ZBTB21: variants seen among roughly 807,000 people sequenced by gnomAD.
The protein encoded by ZBTB21 is zinc finger and BTB domain containing 21.
A neutral mutation model predicts 39.8 loss-of-function variants in ZBTB21; 10 were observed. The observed-to-expected ratio is 0.25, with a 90% confidence interval of 0.16 to 0.43. The LOEUF (loss-of-function observed/expected upper bound fraction) is 0.43, where lower values mean the gene tolerates loss of function less well. ZBTB21 is among the 20% of genes least tolerant of loss of function. ZBTB21 has a pLI of 1.00. For missense variants in ZBTB21, 1,221 were observed against 1,296.3 expected, an observed-to-expected ratio of 0.94 and a Z score of 0.89; for synonymous variants, 551 against 498.8, an observed-to-expected ratio of 1.10 and a Z score of -1.40.
chr21:41,995,312 A>G (rs2065731233), intron 2 of ZBTB21, among the ~76,000 whole-genome samples: 1 of 152,222 alleles, frequency 6.6e-6, no homozygotes, highest in Non-Finnish European at 1.5e-5. Flanking sequence ...GATACAGACA[A>G]TGAAATCCAG....
chr21:42,004,004 CTTT>C (rs35909811), intron 1 of ZBTB21, among the ~76,000 whole-genome samples: 6 of 135,012 alleles, frequency 4.4e-5, no homozygotes, highest in Admixed American at 7.2e-5. Flanking sequence ...TATCTCACAT[CTTT>C]TTTTTTTTTT....
At position 42,009,000 on chromosome 21, in the gene ZBTB21, A is replaced by G. The variant is rs570887447; in HGVS notation, c.-79+1252T>C. On this transcript the variant is annotated intron_variant, in intron 1 of 2. Transcript: ENST00000310826. Reference sequence around the variant, plus strand: ...TTAACCCACTTTCTTGTCTTCTTAAACAAGGTATGAGGACCGTAATGTAAG... The same window carrying G: ...TTAACCCACTTTCTTGTCTTCTTAAGCAAGGTATGAGGACCGTAATGTAAG... Among the ~76,000 whole-genome samples the G allele has an allele frequency of 3.9e-5, 6 of 152,322 alleles. No homozygotes were observed. In the South Asian group the frequency reaches 1.2e-3, roughly 32 times the overall value.
At chr21:41,999,802 G>A (rs1268660641) in intron 2 of ZBTB21, among the ~76,000 whole-genome samples, 1 of 152,224 alleles carries the variant, frequency 6.6e-6, no homozygotes, top group African/African-American at 2.4e-5. Flanking sequence ...TGGGAGCCAT[G>A]TAAGATGACA....
chr21:41,989,166 T>C lies in ZBTB21; in HGVS notation c.*1729A>G, dbSNP rs933979944. On this transcript the variant is annotated 3_prime_UTR_variant, in exon 3 of 3. Transcript: ENST00000310826. The stretch of plus-strand genomic sequence containing the variant: ...TAAGAAAGAATAGGAAGTTAACTAC[T>C]AAAATATTGTGGAATTTTGGAGTTT... 20 of 152,228 alleles carry C rather than the reference T, an allele frequency of 1.3e-4. No homozygotes were observed. Among genetic ancestry groups the C allele is most frequent in the African/African-American group, 4.6e-4 (19 of 41,548 alleles). The allele number at this position is 152,228 out of a possible 1,614,324, so 9.4% of individuals were successfully genotyped here. A position where few individuals can be genotyped will look rare whatever the true frequency, so the allele number is the denominator to read the frequency against.
At chr21:42,004,243 G>A (rs914212466) in intron 1 of ZBTB21, among the ~76,000 whole-genome samples, 2 of 152,040 alleles carry the variant, frequency 1.3e-5, no homozygotes, top group African/African-American at 4.8e-5. Context: ...CAGGCGATCT[G>A]CCCACCTCGG....
rs1432993541 is a variant in ZBTB21 at position 41,987,245 on chromosome 21, G to C, written c.*3650C>G. ...AAAATACTTTGGTTCCCAAAAGACTGTCTCTAAAAGGAATTTTTAAAAACA... is the reference window on the plus strand; with the variant it reads ...AAAATACTTTGGTTCCCAAAAGACTCTCTCTAAAAGGAATTTTTAAAAACA... On this transcript the variant is annotated 3_prime_UTR_variant, in exon 3 of 3. Coordinates refer to ENST00000310826, the MANE Select transcript of ZBTB21 (RefSeq NM_001098402.2). The C allele has an allele frequency of 1.3e-5, 2 of 152,134 alleles. No homozygotes were observed. Among genetic ancestry groups the C allele is most frequent in the Non-Finnish European group, 2.9e-5 (2 of 68,004 alleles). 9.4% of individuals were successfully genotyped at this position (152,134 alleles called of 1,614,324 possible). A position where few individuals can be genotyped will look rare whatever the true frequency, so the allele number is the denominator to read the frequency against.
In ZBTB21 at chr21:41,991,192, T is replaced by C; in HGVS notation, c.2904A>G (p.Ala968=). 1 of 1,614,186 alleles carries C rather than the reference T, an allele frequency of 6.2e-7. No homozygotes were observed. Among genetic ancestry groups the C allele is most frequent in the Non-Finnish European group, 8.5e-7 (1 of 1,180,038 alleles). The part of the protein sequence containing the change: ...SHMSQASEES[A]HKESEVCPVP... Reference sequence around the variant, plus strand: ...CAGGGCACACCTCAGATTCCTTATGTGCCGATTCCTCTGAAGCCTGAGACA... The same window carrying C: ...CAGGGCACACCTCAGATTCCTTATGCGCCGATTCCTCTGAAGCCTGAGACA... The change falls in exon 3 of 3, where the codon GCA becomes GCG. Residue 968 remains alanine, a synonymous_variant. Transcript: ENST00000310826. This position sits in a 1 kb window ranked among gnomAD's most constrained non-coding sequence, Gnocchi z 4.9.
rs1223893851 is a variant in ZBTB21 at position 41,991,521 on chromosome 21, C to T, written c.2575G>A (p.Glu859Lys). 4 of 1,614,192 alleles carry T rather than the reference C, an allele frequency of 2.5e-6. No homozygotes were observed. Among genetic ancestry groups the T allele is most frequent in the Non-Finnish European group, 3.4e-6 (4 of 1,180,038 alleles). The change falls in exon 3 of 3, where the codon GAA becomes AAA. Residue 859 changes from glutamate (E) to lysine (K), a missense_variant. This residue lies in a region of ZBTB21 where 523 missense variants were observed against 542.5 expected (regional missense o/e 0.96). Coordinates refer to ENST00000310826, the MANE Select transcript of ZBTB21 (RefSeq NM_001098402.2). The surrounding 1 kb of genome is among the most constrained non-coding windows in gnomAD (Gnocchi z 4.9). ...TCTTCGGGAAGACAAGAGGAATCTT[C>T]CGAGTCGAAGTTAACTTGTTCTGAA... ...DSSEQVNFDS[E>K]DSSCLPEDLS...
rs550393043 is a variant in ZBTB21, at chr21:41,988,067, T to C, written c.*2828A>G. On this transcript the variant is annotated 3_prime_UTR_variant, in exon 3 of 3. Transcript: ENST00000310826. ...TTAGTTGTATATTCTGGTAAAATTA[T>C]AAATGCATACTAACTAGTTTTAAAG... 5.9e-5 allele frequency: 9 copies of C among 152,342 alleles called. No homozygotes were observed. In the South Asian group the frequency reaches 1.7e-3, roughly 28 times the overall value. 9.4% of individuals were successfully genotyped at this position (152,342 alleles called of 1,614,324 possible).
Position 41,991,748 on chromosome 21 carries a change from G to A in ZBTB21, c.2348C>T (p.Thr783Ile). ...CCAGATGCTGAAAGAGGACTTGAAGGTGCGCATGCACTCGAGGCAGGTCAG... is the reference window on the plus strand; with the variant it reads ...CCAGATGCTGAAAGAGGACTTGAAGATGCGCATGCACTCGAGGCAGGTCAG... ...KKLTCLECMR[T>I]FKSSFSIWRH... Residue 783 changes from threonine to isoleucine, a missense_variant, in exon 3 of 3, where the codon ACC becomes ATC. Coordinates refer to ENST00000310826, the MANE Select transcript of ZBTB21 (RefSeq NM_001098402.2). The surrounding 1 kb of genome is among the most constrained non-coding windows in gnomAD (Gnocchi z 4.9). 1 of 1,614,226 alleles carries A rather than the reference G, an allele frequency of 6.2e-7. No homozygotes were observed. The highest frequency in any genetic ancestry group is 8.5e-7 in the Non-Finnish European group (1 of 1,180,046).
Position 41,993,087 on chromosome 21 carries a change from T to G in ZBTB21, c.1009A>C (p.Lys337Gln). 6.2e-7 allele frequency: 1 copy of G among 1,614,244 alleles called. No individual in the cohort carries two copies. Among genetic ancestry groups the G allele is most frequent in the Non-Finnish European group, 8.5e-7 (1 of 1,180,044 alleles). ...QSIDRSGPLV[K>Q]SLLRRSLSMD... ...GACAATGACCGTCTGAGGAGACTCTTAACAAGTGGGCCACTCCTGTCAATG... is the reference window on the plus strand; with the variant it reads ...GACAATGACCGTCTGAGGAGACTCTGAACAAGTGGGCCACTCCTGTCAATG... The change falls in exon 3 of 3, where the codon AAG (lysine) becomes CAG (glutamine). Residue 337 changes from lysine (K) to glutamine (Q), a missense_variant. Physicochemically the swap from Lys to Gln is moderately conservative, Grantham distance 53. Transcript: ENST00000310826.
rs921242245 is a variant in ZBTB21 at position 41,992,628 on chromosome 21, G to C, written c.1468C>G (p.Arg490Gly). ...TTTAACTTCTTAAACGGCAATCTTCGGTCCGCTTGGAACCTCCTTTTTGCT... is the reference window on the plus strand; with the variant it reads ...TTTAACTTCTTAAACGGCAATCTTCCGTCCGCTTGGAACCTCCTTTTTGCT... ...LPAKRRFQAD[R>G]RLPFKKLKVN... The change falls in exon 3 of 3, where the codon CGA becomes GGA. Residue 490 changes from arginine (R) to glycine (G), a missense_variant. Around this residue, in one of 4 missense-constraint regions of ZBTB21, gnomAD observed 500 missense variants for 465.6 expected, o/e 1.07. Coordinates refer to ENST00000310826, the MANE Select transcript of ZBTB21 (RefSeq NM_001098402.2). The surrounding 1 kb of genome is among the most constrained non-coding windows in gnomAD (Gnocchi z 4.1). 1 of 1,614,052 alleles carries C rather than the reference G, an allele frequency of 6.2e-7. No homozygotes were observed. Among genetic ancestry groups the C allele is most frequent in the Admixed American group, 1.7e-5 (1 of 60,006 alleles).
At chr21:42,001,892 C>T (rs1414597082) in intron 2 of ZBTB21, among the ~76,000 whole-genome samples, 1 of 152,136 alleles carries the variant, frequency 6.6e-6, no homozygotes, top group Non-Finnish European at 1.5e-5. Context: ...AGTAGCAGGG[C>T]AAGATTCACA....
chr21:42,010,072 G>A (rs1227668902), intron 1 of ZBTB21, among the ~76,000 whole-genome samples, 180 bp downstream of exon 1: 1 of 152,262 alleles, frequency 6.6e-6, no homozygotes, highest in Middle Eastern at 3.2e-3. Context: ...CATGCTCGGT[G>A]AGCGCCCAGG....
chr21:42,003,280 C>A (rs758773041), intron 1 of ZBTB21, among the ~76,000 whole-genome samples: 1 of 152,204 alleles, frequency 6.6e-6, no homozygotes, highest in Non-Finnish European at 1.5e-5. Context: ...CAGATGCTTG[C>A]GTGGGCCTGC....
Position 41,991,092 on chromosome 21 carries a change from C to T in ZBTB21, c.3004G>A (p.Asp1002Asn). ...PLPKIQPLEP[D>N]SPTGLSENPT... ...TTTTCGGACAGGCCTGTGGGGCTGT[C>T]AGGCTCCAGAGGCTGGATCTTGGGC... Residue 1002 changes from aspartate (D) to asparagine (N), a missense_variant, in exon 3 of 3, where the codon GAC becomes AAC. Asp to Asn is a conservative substitution (Grantham distance 23, BLOSUM62 1). Transcript: ENST00000310826. This position sits in a 1 kb window ranked among gnomAD's most constrained non-coding sequence, Gnocchi z 4.9. 1 of 1,611,500 alleles carries T rather than the reference C, an allele frequency of 6.2e-7. No homozygotes were observed. The highest frequency in any genetic ancestry group is 8.5e-7 in the Non-Finnish European group (1 of 1,178,790).
In ZBTB21 at chr21:41,991,713, C is replaced by A. The variant is rs1301578722; in HGVS notation, c.2383G>T (p.Val795Phe). 4 of 1,614,176 alleles carry A rather than the reference C, an allele frequency of 2.5e-6. No homozygotes were observed. The highest frequency in any genetic ancestry group is 3.4e-6 in the Non-Finnish European group (4 of 1,180,038). The change falls in exon 3 of 3, where the codon GTT becomes TTT. Residue 795 changes from valine (V) to phenylalanine (F), a missense_variant. Val to Phe is a conservative substitution (Grantham distance 50, BLOSUM62 -1). Around this residue, in one of 4 missense-constraint regions of ZBTB21, gnomAD observed 523 missense variants for 542.5 expected, o/e 0.96. Coordinates refer to ENST00000310826, the MANE Select transcript of ZBTB21 (RefSeq NM_001098402.2). This position sits in a 1 kb window ranked among gnomAD's most constrained non-coding sequence, Gnocchi z 4.9. ...ATGTTGTTCTGATTATGGACTTCAA[C>A]CTGGTGCCGCCAGATGCTGAAAGAG... ...KSSFSIWRHQ[V>F]EVHNQNNMAP...
chr21:41,991,160 G>T lies in ZBTB21; in HGVS notation c.2936C>A (p.Thr979Lys), dbSNP rs1298835339. The T allele has an allele frequency of 6.2e-7, 1 of 1,614,164 alleles. No individual in the cohort carries two copies. The highest frequency in any genetic ancestry group is 1.3e-5 in the African/African-American group (1 of 75,044). Residue 979 changes from threonine to lysine, a missense_variant, in exon 3 of 3, where the codon ACA becomes AAA. Coordinates refer to ENST00000310826, the MANE Select transcript of ZBTB21 (RefSeq NM_001098402.2). This position sits in a 1 kb window ranked among gnomAD's most constrained non-coding sequence, Gnocchi z 4.9. ...CAGAGGTGGTGGAGAGGGAGAGTTT[G>T]TGGGAACAGGGCACACCTCAGATTC... The part of the protein sequence containing the change: ...HKESEVCPVP[T>K]NSPSPPPLPP...
chr21:41,992,227 A>C lies in ZBTB21; in HGVS notation c.1869T>G (p.Ile623Met). 3.1e-6 allele frequency: 5 copies of C among 1,614,164 alleles called. No homozygotes were observed. The highest frequency in any genetic ancestry group is 4.2e-6 in the Non-Finnish European group (5 of 1,180,026). ...VLDEKFQRKL[I>M]DIVREREIKK... ...TAATTTCTCTCTCTCTCACTATGTC[A>C]ATCAGCTTTCTTTGGAATTTTTCAT... is the stretch of plus-strand genomic sequence containing the variant. Residue 623 changes from isoleucine to methionine, a missense_variant, in exon 3 of 3, where the codon ATT (isoleucine) becomes ATG (methionine). Around this residue, in one of 4 missense-constraint regions of ZBTB21, gnomAD observed 90 missense variants for 133.1 expected, o/e 0.68. Coordinates refer to ENST00000310826, the MANE Select transcript of ZBTB21 (RefSeq NM_001098402.2). This position sits in a 1 kb window ranked among gnomAD's most constrained non-coding sequence, Gnocchi z 4.1.
Sources: allele counts gnomAD v4.1 joint callset (sites outside exome capture counted in the v4.1 genomes callset), GRCh38; gene constraint gnomAD v4.1.1; regional missense constraint gnomAD v4.1.1; non-coding constraint Gnocchi (gnomAD v3.1); transcripts MANE v1.5; gene names NCBI Gene and HGNC (gene_info 2026-07-23, HGNC 2026-07-21).